ALPK2: variants seen among roughly 807,000 people sequenced by gnomAD.
ALPK2 encodes the protein alpha-protein kinase 2.
Under a neutral mutation model 163.1 loss-of-function variants are expected in ALPK2, and 127 were observed. That is an observed-to-expected ratio of 0.78 (90% CI 0.67 to 0.90). ALPK2 has a LOEUF of 0.90. Ranked by LOEUF, ALPK2 falls within the 40% of genes least tolerant of loss-of-function variation. The pLI is 0.00. For missense variants in ALPK2, 2,360 were observed against 2,589.6 expected (o/e 0.91, Z 1.92); for synonymous variants, 953 against 959.1 (o/e 0.99, Z 0.12).
At chr18:58,512,973 A>AATGCGTATGTGTGTGGTG (rs2051500922) in intron 10 of ALPK2, among the ~76,000 whole-genome samples, 3 of 67,628 alleles carry the variant, frequency 4.4e-5, no homozygotes, top group Non-Finnish European at 8.8e-5. Context: ...TGGTGTGTGT[A>AATGCGTATGTGTGTGGTG]TGTGTGGTGT....
intron 4 of ALPK2, 67 bp downstream of exon 4, chr18:58,578,747 C>CACACAA: frequency 7.6e-7 from 1 of 1,322,984 alleles, no homozygotes; most frequent in Non-Finnish European, 1.0e-6. Flanking sequence ...CACACACACA[C>CACACAA]ACACACACAC....
intron 4 of ALPK2, among the ~76,000 whole-genome samples, chr18:58,541,417 A>G (rs2051689128): frequency 6.6e-6 from 1 of 152,244 alleles, no homozygotes; most frequent in African/African-American, 2.4e-5. Flanking sequence ...ATCACCTCCC[A>G]CTGGGCCCCA....
At chr18:58,591,269 C>T (rs1464493028) in intron 3 of ALPK2, among the ~76,000 whole-genome samples, 1 of 152,320 alleles carries the variant, frequency 6.6e-6, no homozygotes, top group East Asian at 1.9e-4. Flanking sequence ...TTGGAACTAT[C>T]TTACAGATGT....
chr18:58,512,050 A>T (rs1050905781), intron 10 of ALPK2: 4 of 152,202 alleles, frequency 2.6e-5, no homozygotes, highest in African/African-American at 9.7e-5. Context: ...AGGACAGTGG[A>T]CCTTTCCCGC....
Position 58,584,062 on chromosome 18 carries a change from A to G in ALPK2, c.228-3514T>C, listed in dbSNP as rs980051016. The stretch of plus-strand genomic sequence containing the variant: ...AACATGGAGAAAATCATTGAGTTAA[A>G]TACACTCTATTTAAATTCTTAACAA... On this transcript the variant is annotated intron_variant, in intron 3 of 12. Coordinates refer to ENST00000361673, the MANE Select transcript of ALPK2 (RefSeq NM_052947.4). Among the ~76,000 whole-genome samples the G allele has an allele frequency of 2.0e-5, 3 of 152,200 alleles. No individual in the cohort carries two copies. In the East Asian group the frequency reaches 5.8e-4, roughly 29 times the overall value.
intron 10 of ALPK2, among the ~76,000 whole-genome samples, chr18:58,512,463 G>T (rs953589915): frequency 2.0e-5 from 3 of 152,182 alleles, no homozygotes; most frequent in African/African-American, 7.2e-5. Flanking sequence ...TATGGGGGTG[G>T]CCCCAGCGGG....
At chr18:58,589,716 A>G (rs957074435) in intron 3 of ALPK2, among the ~76,000 whole-genome samples, 1 of 152,214 alleles carries the variant, frequency 6.6e-6, no homozygotes, top group African/African-American at 2.4e-5. Context: ...ATTGACCACT[A>G]AGGTGGGTGA....
chr18:58,508,395 C>T (rs942627987), intron 10 of ALPK2, among the ~76,000 whole-genome samples: 1 of 152,154 alleles, frequency 6.6e-6, no homozygotes, highest in African/African-American at 2.4e-5. Context: ...GGGCTGCATT[C>T]CCTGATGGTT....
chr18:58,516,092 G>A (rs551144464), intron 9 of ALPK2, among the ~76,000 whole-genome samples: 16 of 152,108 alleles, frequency 1.1e-4, no homozygotes, highest in Non-Finnish European at 2.2e-4. Context: ...GATGGCATGC[G>A]CCTGTAGTCC....
intron 4 of ALPK2, 80 bp downstream of exon 4, chr18:58,578,734 A>ACACACACACGCGCGCGCACG: frequency 5.0e-6 from 2 of 396,578 alleles, no homozygotes; most frequent in Non-Finnish European, 8.2e-6. Context: ...AAAGGAAGAG[A>ACACACACACGCGCGCGCACG]CACACACACA....
In ALPK2 at chr18:58,539,999, A is replaced by G. The variant is rs550589327; in HGVS notation, c.1963-1775T>C. ...AAGAAAGAAATTTAATATAAACTCC[A>G]TGAGGGCTAGGACTACTTAATCTTT... On this transcript the variant is annotated intron_variant, in intron 4 of 12. Transcript: ENST00000361673. 3.3e-5 allele frequency among the ~76,000 whole-genome samples: 5 copies of G among 152,376 alleles called. No homozygotes were observed. The East Asian group carries it at 7.7e-4, about 23-fold the overall frequency.
chr18:58,585,827 G>A (rs753113088), intron 3 of ALPK2, among the ~76,000 whole-genome samples: 26 of 152,160 alleles, frequency 1.7e-4, no homozygotes, highest in South Asian at 4.2e-4. Flanking sequence ...GGGACTATAG[G>A]CATGCACCAC....
Position 58,537,306 on chromosome 18 carries a change from C to T in ALPK2, c.2881G>A (p.Asp961Asn), listed in dbSNP as rs745452476. 2 of 1,614,122 alleles carry T rather than the reference C, an allele frequency of 1.2e-6. No individual in the cohort carries two copies. The change falls in exon 5 of 13, where the codon GAC becomes AAC. Residue 961 changes from aspartate (D) to asparagine (N), a missense_variant. Physicochemically the swap from Asp to Asn is conservative, Grantham distance 23. Transcript: ENST00000361673. ...NPLVQFKEGGDKSPSPSAADT... is the reference protein window; with the variant it reads ...NPLVQFKEGGNKSPSPSAADT... ...GCGGCACTAGGACTGGGGCTCTTGT[C>T]ACCTCCTTCTTTAAATTGCACTAAA...
intron 9 of ALPK2, 25 bp downstream of exon 9, chr18:58,516,883 A>G (rs776977609): frequency 1.2e-6 from 2 of 1,604,090 alleles, no homozygotes; most frequent in Non-Finnish European, 1.7e-6. Context: ...ACCAGAAGTG[A>G]CAGCCTTTGG....
chr18:58,539,468 T>C (rs1441322870), intron 4 of ALPK2, among the ~76,000 whole-genome samples: 1 of 152,216 alleles, frequency 6.6e-6, no homozygotes, highest in Non-Finnish European at 1.5e-5. Flanking sequence ...AGCAAACTCT[T>C]TGACTAAATC....
chr18:58,586,765 A>AG (rs1248008046), intron 3 of ALPK2, among the ~76,000 whole-genome samples: 1 of 152,170 alleles, frequency 6.6e-6, no homozygotes, highest in East Asian at 1.9e-4. Context: ...AAAAAAAAAA[A>AG]AAATTATACA....
At chr18:58,499,875 AGGATCAGATCTGCT>A (rs1271112746) in intron 11 of ALPK2, among the ~76,000 whole-genome samples, 6 of 152,388 alleles carry the variant, frequency 3.9e-5, no homozygotes, top group African/African-American at 1.2e-4. Flanking sequence ...GCCAGCCATG[AGGATCAGATCTGCT>A]GGCCACCTAC....
intron 4 of ALPK2, chr18:58,544,676 C>T (rs1273671814): frequency 6.6e-6 from 1 of 152,224 alleles, no homozygotes; most frequent in Non-Finnish European, 1.5e-5. Context: ...GATAAAATTC[C>T]TGCAGTGCAG....
chr18:58,572,996 A>G (rs1602224071), intron 4 of ALPK2, among the ~76,000 whole-genome samples: 1 of 152,116 alleles, frequency 6.6e-6, no homozygotes. Flanking sequence ...ATCTCTCTCT[A>G]TTTCTTACAA....
Sources: gnomAD v4.1 joint callset for allele counts (sites outside exome capture counted in the v4.1 genomes callset) on GRCh38, gnomAD v4.1.1 for gene constraint, MANE v1.5 for transcripts, NCBI Gene and HGNC (gene_info 2026-07-23, HGNC 2026-07-21) for gene names.